Variants in BRSK2 observed in about 807,000 individuals in gnomAD.
BRSK2 encodes the protein serine/threonine-protein kinase BRSK2.
BRSK2 carries 19 observed loss-of-function variants against 83.3 expected under a neutral mutation model. The ratio of observed to expected loss-of-function variants is 0.23; its 90% confidence interval spans 0.16 to 0.33. BRSK2 has a LOEUF of 0.33. Among genes scored for constraint, BRSK2 ranks in the 10% least tolerant of loss-of-function variants. The probability of loss-of-function intolerance (pLI) is 1.00; values close to 1 mark genes in which losing one functional copy is unlikely to be tolerated. For missense variants in BRSK2, 798 were observed against 1,042.3 expected, an observed-to-expected ratio of 0.77 and a Z score of 3.23; for synonymous variants, 519 against 435.4, an observed-to-expected ratio of 1.19 and a Z score of -2.39.
chr11:1,443,669 G>T (rs764732387), intron 8 of BRSK2, 34 bp downstream of exon 8: 2 of 1,433,898 alleles, frequency 1.4e-6, no homozygotes, highest in East Asian at 2.4e-5. Context: ...GCCCCAGAGC[G>T]TGGCGGGGGG....
chr11:1,424,737 C>CA (rs1564824167), intron 1 of BRSK2, among the ~76,000 whole-genome samples: 2 of 151,208 alleles, frequency 1.3e-5, no homozygotes, highest in Non-Finnish European at 3.0e-5. Context: ...CAGAGGGAGT[C>CA]GGGGGGGCCA....
At chr11:1,406,407 G>A (rs1396759328) in intron 1 of BRSK2, among the ~76,000 whole-genome samples, 1 of 152,236 alleles carries the variant, frequency 6.6e-6, no homozygotes, top group Non-Finnish European at 1.5e-5. Context: ...GGGAGGCGGA[G>A]CTTGCAGTGA....
At chr11:1,395,673 G>GGA (rs936607279) in intron 1 of BRSK2, among the ~76,000 whole-genome samples, 1 of 152,206 alleles carries the variant, frequency 6.6e-6, no homozygotes, top group African/African-American at 2.4e-5. Flanking sequence ...CTTGTCACTG[G>GGA]CAATGGCTGG....
intron 13 of BRSK2, 134 bp from the exon 14 acceptor site, chr11:1,450,453 C>A (rs1407107421): frequency 8.6e-6 from 5 of 583,472 alleles, no homozygotes; most frequent in Non-Finnish European, 1.5e-5. Context: ...CCGGCCAGCA[C>A]CCCAGCCCGG....
intron 1 of BRSK2, among the ~76,000 whole-genome samples, chr11:1,412,799 C>T (rs191303736): frequency 1.2e-4 from 18 of 152,280 alleles, no homozygotes; most frequent in East Asian, 7.7e-4. Flanking sequence ...AACCCAGGCC[C>T]GTTGGATCAC....
intron 1 of BRSK2, among the ~76,000 whole-genome samples, chr11:1,435,027 G>A (rs1010983177): frequency 2.6e-5 from 4 of 151,522 alleles, no homozygotes; most frequent in African/African-American, 7.3e-5. Context: ...GACCGGGACC[G>A]TGTGCCCAGC....
intron 1 of BRSK2, 74 bp from the exon 2 acceptor site, chr11:1,435,966 A>G: frequency 8.5e-7 from 1 of 1,175,106 alleles, no homozygotes; most frequent in Non-Finnish European, 1.2e-6. Context: ...GAGGCCCCCA[A>G]CCTGCACTGT....
chr11:1,451,034 G>A (rs1395007339), intron 14 of BRSK2, among the ~76,000 whole-genome samples: 1 of 152,240 alleles, frequency 6.6e-6, no homozygotes, highest in Non-Finnish European at 1.5e-5. Flanking sequence ...TCTGTGTCCT[G>A]GGGCCAGGCA....
chr11:1,460,880 G>T lies in BRSK2; in HGVS notation c.*157G>T. On this transcript the variant is annotated 3_prime_UTR_variant, in exon 20 of 20. Transcript: ENST00000528841. ...GAAAGGGGCGTTGGGGCCGGCCTGTGGGCTGCGCCACCCGCGCCCGCTCTC... is the reference window on the plus strand; with the variant it reads ...GAAAGGGGCGTTGGGGCCGGCCTGTTGGCTGCGCCACCCGCGCCCGCTCTC... The T allele has an allele frequency of 6.3e-7, 1 of 1,594,474 alleles. No homozygotes were observed.
intron 15 of BRSK2, among the ~76,000 whole-genome samples, chr11:1,453,097 T>C (rs1846004847): frequency 6.6e-6 from 1 of 152,218 alleles, no homozygotes; most frequent in Non-Finnish European, 1.5e-5. Context: ...ACCTGGCGGA[T>C]GCACCCACCC....
chr11:1,410,740 C>G, intron 1 of BRSK2: 2 of 985,408 alleles, frequency 2.0e-6, no homozygotes, highest in Non-Finnish European at 2.4e-6. Flanking sequence ...GAGGCTGGTC[C>G]TCCATTCTCA....
At chr11:1,443,028 C>G in intron 5 of BRSK2, 78 bp from the exon 6 acceptor site, 1 of 1,471,500 alleles carries the variant, frequency 6.8e-7, no homozygotes, top group Non-Finnish European at 9.0e-7. Flanking sequence ...CTTGAGGGCC[C>G]TGCGGTGCAC....
At chr11:1,456,837 C>T in intron 18 of BRSK2, 150 bp downstream of exon 18, 8 of 1,347,324 alleles carry the variant, frequency 5.9e-6, no homozygotes, top group Non-Finnish European at 8.2e-6. Context: ...GCTGTGGCTG[C>T]ACCCCTCAGG....
chr11:1,424,219 CA>C (rs1317604854), intron 1 of BRSK2, among the ~76,000 whole-genome samples: 6 of 152,346 alleles, frequency 3.9e-5, no homozygotes, highest in Non-Finnish European at 7.3e-5. Flanking sequence ...CGGGGAGCCC[CA>C]CCATTCCCCT....
intron 3 of BRSK2, among the ~76,000 whole-genome samples, chr11:1,439,553 G>C (rs908074011): frequency 4.6e-5 from 7 of 152,034 alleles, no homozygotes; most frequent in Middle Eastern, 3.2e-3. Context: ...AGTGCGGGGG[G>C]GATGGGCACA....
intron 1 of BRSK2, among the ~76,000 whole-genome samples, chr11:1,391,897 T>C (rs1845752713): frequency 6.6e-6 from 1 of 152,176 alleles, no homozygotes; most frequent in African/African-American, 2.4e-5. Context: ...GTCTCCACTC[T>C]TCATGGCATT....
At chr11:1,451,227 G>A in intron 14 of BRSK2, 144 bp from the exon 15 acceptor site, 1 of 917,338 alleles carries the variant, frequency 1.1e-6, no homozygotes, top group Non-Finnish European at 1.7e-6. Context: ...GCCGGGAGCT[G>A]GGGTGGACCA....
rs777509447 is a variant in BRSK2, at chr11:1,445,002, T to C, written c.812T>C (p.Ile271Thr). 1.1e-5 allele frequency: 17 copies of C among 1,612,532 alleles called. No homozygotes were observed. Among genetic ancestry groups the C allele is most frequent in the Admixed American group, 5.0e-5 (3 of 60,010 alleles). Residue 271 changes from isoleucine (I) to threonine (T), a missense_variant and splice_region_variant, in exon 9 of 20, where the codon ATA becomes ACA. Ile to Thr is a moderately conservative substitution (Grantham distance 89, BLOSUM62 -1). Around this residue, in one of 6 missense-constraint regions of BRSK2, gnomAD observed 145 missense variants for 225.4 expected, o/e 0.64. Coordinates refer to ENST00000528841, the MANE Select transcript of BRSK2 (RefSeq NM_001256627.2). ...LEHIQKHIWY[I>T]GGKNEPEPEQ... ...CACATTCAGAAACACATATGGTATA[T>C]GTAAGTAGCTTTTCCACCCACTAAT...
intron 1 of BRSK2, among the ~76,000 whole-genome samples, chr11:1,395,102 T>C (rs1337197793): frequency 1.3e-5 from 2 of 152,074 alleles, no homozygotes. Flanking sequence ...CAGCGTGGGG[T>C]GTCTGCTGCG....
Sources: allele counts gnomAD v4.1 joint callset (sites outside exome capture counted in the v4.1 genomes callset), GRCh38; gene constraint gnomAD v4.1.1; regional missense constraint gnomAD v4.1.1; transcripts MANE v1.5; gene names NCBI Gene and HGNC (gene_info 2026-07-23, HGNC 2026-07-21).